The following ROR1 variants were observed in gnomAD, a reference collection of about 807,000 sequenced individuals.
ROR1 encodes the protein inactive tyrosine-protein kinase transmembrane receptor ROR1.
A neutral mutation model predicts 78.8 loss-of-function variants in ROR1; 19 were observed. That is an observed-to-expected ratio of 0.24 (90% CI 0.17 to 0.35). The LOEUF (loss-of-function observed/expected upper bound fraction) is 0.35. Among genes scored for constraint, ROR1 ranks in the 10% least tolerant of loss-of-function variants. The pLI, the probability that ROR1 is intolerant of heterozygous loss-of-function variation, is 1.00. For synonymous variants in ROR1, 386 were observed against 433.6 expected (o/e 0.89, Z 1.36); for missense variants, 917 against 1,177.8 (o/e 0.78, Z 3.24).
intron 4 of ROR1, among the ~76,000 whole-genome samples, chr1:64,051,126 C>G (rs1376813412): frequency 6.6e-6 from 1 of 152,104 alleles, no homozygotes; most frequent in Non-Finnish European, 1.5e-5. Flanking sequence ...TAGGTAATCA[C>G]TTTATTTTTT....
chr1:64,112,789 T>G (rs906482168), intron 4 of ROR1, among the ~76,000 whole-genome samples: 1 of 148,068 alleles, frequency 6.8e-6, no homozygotes, highest in African/African-American at 2.5e-5. Flanking sequence ...TCAATTCTTA[T>G]AGGTTCAACT....
intron 1 of ROR1, among the ~76,000 whole-genome samples, chr1:63,902,150 C>T (rs919075770): frequency 6.6e-6 from 1 of 152,034 alleles, no homozygotes; most frequent in Non-Finnish European, 1.5e-5. Context: ...AAGAGCTTAT[C>T]CTTAGCTTTA....
intron 1 of ROR1, among the ~76,000 whole-genome samples, chr1:63,928,630 T>C (rs930515201): frequency 6.6e-6 from 1 of 152,226 alleles, no homozygotes; most frequent in East Asian, 1.9e-4. Flanking sequence ...CAGTCTCTCC[T>C]AGGTCATGGC....
chr1:64,023,761 T>A (rs759001159), intron 2 of ROR1, among the ~76,000 whole-genome samples: 23 of 152,212 alleles, frequency 1.5e-4, no homozygotes, highest in Non-Finnish European at 2.8e-4. Context: ...TTCGCAAGCA[T>A]CTTTCTGTGT....
intron 1 of ROR1, among the ~76,000 whole-genome samples, chr1:63,939,602 T>C (rs1471473085): frequency 2.7e-4 from 41 of 152,204 alleles, no homozygotes; most frequent in Non-Finnish European, 2.9e-5. Context: ...TTTCAAAGTA[T>C]GTGCTTTGGA....
At chr1:64,067,857 C>A (rs1194953782) in intron 4 of ROR1, among the ~76,000 whole-genome samples, 1 of 151,908 alleles carries the variant, frequency 6.6e-6, no homozygotes, top group Non-Finnish European at 1.5e-5. Context: ...GGACTACAGG[C>A]GCCTGCCACC....
chr1:64,008,855 G>A (rs1487976034), intron 1 of ROR1, among the ~76,000 whole-genome samples: 2 of 151,896 alleles, frequency 1.3e-5, no homozygotes, highest in Non-Finnish European at 2.9e-5. Flanking sequence ...GGCTGGTCTC[G>A]AACTCCTGAC....
At chr1:64,142,356 CA>C in intron 6 of ROR1, 48 bp from the exon 7 acceptor site, 2 of 1,605,082 alleles carry the variant, frequency 1.2e-6, no homozygotes, top group South Asian at 2.2e-5. Context: ...AGAGCTCCAG[CA>C]TCTCCTATGT....
chr1:64,070,611 C>T (rs1260500026), intron 4 of ROR1, among the ~76,000 whole-genome samples: 2 of 152,122 alleles, frequency 1.3e-5, no homozygotes, highest in Non-Finnish European at 2.9e-5. Flanking sequence ...TGAGCCACCA[C>T]ACCTGGCCTA....
chr1:63,954,361 T>G (rs1347840386), intron 1 of ROR1, among the ~76,000 whole-genome samples: 1 of 152,200 alleles, frequency 6.6e-6, no homozygotes, highest in Admixed American at 6.5e-5. Flanking sequence ...GACTTGGTCA[T>G]ATGGTCACAC....
rs374932950 is a variant in ROR1 at position 64,177,664 on chromosome 1, C to T, written c.1623C>T (p.Ala541=). ...CCAATATTGTCTGCCTTCTAGGTGC[C>T]GTCACTCAGGAACAACCTGTGTGCA... The part of the protein sequence containing the change: ...HHPNIVCLLG[A]VTQEQPVCML... The change falls in exon 9 of 9, where the codon GCC becomes GCT. Residue 541 remains alanine (A), a synonymous_variant. Coordinates refer to ENST00000371079, the MANE Select transcript of ROR1 (RefSeq NM_005012.4). 12 of 1,614,030 alleles carry T rather than the reference C, an allele frequency of 7.4e-6. No individual in the cohort carries two copies. The African/African-American group carries it at 8.0e-5, about 11-fold the overall frequency.
At chr1:63,890,965 A>G (rs763024331) in intron 1 of ROR1, among the ~76,000 whole-genome samples, 4 of 152,112 alleles carry the variant, frequency 2.6e-5, no homozygotes, top group African/African-American at 4.8e-5. Context: ...CTTATTCTCA[A>G]TGCCATGACT....
At chr1:63,871,747 T>C (rs540105985) in intron 1 of ROR1, among the ~76,000 whole-genome samples, 33 of 152,366 alleles carry the variant, frequency 2.2e-4, no homozygotes, top group Non-Finnish European at 4.3e-4. Flanking sequence ...TAACACTATG[T>C]TCATTTTCCC....
At chr1:64,087,196 C>T (rs1362691200) in intron 4 of ROR1, among the ~76,000 whole-genome samples, 1 of 152,188 alleles carries the variant, frequency 6.6e-6, no homozygotes, top group East Asian at 1.9e-4. Context: ...TCCTGCCCCA[C>T]CCTCTATTTT....
chr1:63,927,497 T>C (rs1356440520), intron 1 of ROR1, among the ~76,000 whole-genome samples: 2 of 142,940 alleles, frequency 1.4e-5, no homozygotes, highest in African/African-American at 5.2e-5. Context: ...TCTGCCTGGC[T>C]TTGGTATCAG....
chr1:63,991,231 T>G (rs2100521040), intron 1 of ROR1, among the ~76,000 whole-genome samples: 1 of 152,262 alleles, frequency 6.6e-6, no homozygotes, highest in East Asian at 1.9e-4. Flanking sequence ...AATTATAGAC[T>G]GAGCCACCGT....
At chr1:64,175,518 T>G (rs1650357094) in intron 8 of ROR1, among the ~76,000 whole-genome samples, 1 of 152,218 alleles carries the variant, frequency 6.6e-6, no homozygotes, top group Non-Finnish European at 1.5e-5. Flanking sequence ...AGATTTAATT[T>G]ACTGAAAGTT....
At position 63,970,788 on chromosome 1, in the gene ROR1, A is replaced by G. The variant is rs570567902; in HGVS notation, c.92-38517A>G. 3.2e-4 allele frequency among the ~76,000 whole-genome samples: 49 copies of G among 152,322 alleles called. 2 individuals are homozygous for G. Among genetic ancestry groups the G allele is most frequent in the African/African-American group, 1.0e-3 (43 of 41,574 alleles). Reference sequence around the variant, plus strand: ...CTATGAGCAAAGTATAATTATTTCCATTGTACAGATGAGAAAGCTGAGATC... The same window carrying G: ...CTATGAGCAAAGTATAATTATTTCCGTTGTACAGATGAGAAAGCTGAGATC... On this transcript the variant is annotated intron_variant, in intron 1 of 8. Transcript: ENST00000371079.
intron 7 of ROR1, among the ~76,000 whole-genome samples, chr1:64,145,888 A>T (rs1020993340): frequency 1.3e-5 from 2 of 152,196 alleles, no homozygotes; most frequent in African/African-American, 4.8e-5. Flanking sequence ...TTGCTGATAC[A>T]GAAGCTGAGG....
Sources: allele counts gnomAD v4.1 joint callset (sites outside exome capture counted in the v4.1 genomes callset), GRCh38; gene constraint gnomAD v4.1.1; transcripts MANE v1.5; gene names NCBI Gene and HGNC (gene_info 2026-07-23, HGNC 2026-07-21).